Variants in OTOF observed in about 807,000 individuals in gnomAD.
The protein encoded by OTOF is fer-1-like family member 2.
Under a neutral mutation model 236.8 loss-of-function variants are expected in OTOF, and 218 were observed. The ratio of observed to expected loss-of-function variants is 0.92; its 90% CI spans 0.82 to 1.03. The LOEUF is 1.03. OTOF is among the 50% of genes least tolerant of loss of function. The pLI, the probability that OTOF is intolerant of heterozygous loss-of-function variation, is 0.00. For synonymous variants in OTOF, 1,041 were observed against 1,072.5 expected (o/e 0.97, Z 0.57); for missense variants, 2,590 against 2,694.4 (o/e 0.96, Z 0.86).
chr2:26,557,963 A>T (rs1667635913), intron 1 of OTOF, among the ~76,000 whole-genome samples: 1 of 151,918 alleles, frequency 6.6e-6, no homozygotes, highest in Admixed American at 6.6e-5. Flanking sequence ...GACCAGACAG[A>T]AGAGAGGCGA....
At chr2:26,501,865 A>C in intron 7 of OTOF, 57 bp from the exon 8 acceptor site, 1 of 1,269,600 alleles carries the variant, frequency 7.9e-7, no homozygotes, top group Non-Finnish European at 1.2e-6. Context: ...GTTGGGGAGG[A>C]GGACACTGGC....
intron 3 of OTOF, among the ~76,000 whole-genome samples, chr2:26,519,729 T>C (rs1412027707): frequency 2.0e-5 from 3 of 152,214 alleles, no homozygotes; most frequent in African/African-American, 7.2e-5. Context: ...AGCTACCTGC[T>C]TCCTGGGCAA....
intron 14 of OTOF, among the ~76,000 whole-genome samples, chr2:26,481,836 C>G (rs1054533138): frequency 6.6e-6 from 1 of 152,164 alleles, no homozygotes; most frequent in African/African-American, 2.4e-5. Context: ...ATACATGGAT[C>G]AGACAACATG....
chr2:26,472,317 T>C (rs2148039335), intron 30 of OTOF: 1 of 652,470 alleles, frequency 1.5e-6, no homozygotes, highest in Non-Finnish European at 2.8e-6. Flanking sequence ...CACATTTACA[T>C]ACCACACGCA....
chr2:26,494,656 T>TGGGGGG (rs143905954), intron 9 of OTOF, among the ~76,000 whole-genome samples: 24 of 118,422 alleles, frequency 2.0e-4, no homozygotes, highest in African/African-American at 4.0e-4. Context: ...GGGAGTGGGG[T>TGGGGGG]GGGGGGGGGT....
intron 6 of OTOF, among the ~76,000 whole-genome samples, chr2:26,502,956 T>C (rs56689393): frequency 0.054 from 8,281 of 152,316 alleles, 804 homozygotes; most frequent in East Asian, 0.51. Flanking sequence ...ATTCATCTAA[T>C]GAGATGCAGA....
At chr2:26,507,764 G>C (rs902804478) in intron 5 of OTOF, among the ~76,000 whole-genome samples, 4 of 152,218 alleles carry the variant, frequency 2.6e-5, no homozygotes, top group Admixed American at 6.5e-5. Context: ...TGAGGATTTA[G>C]AATCCGTTTG....
At chr2:26,479,208 G>A in intron 18 of OTOF, 56 bp downstream of exon 18, 7 of 1,600,256 alleles carry the variant, frequency 4.4e-6, no homozygotes, top group Non-Finnish European at 5.1e-6. Context: ...AAGGCCCTCT[G>A]ACAGCGCCGT....
At position 26,462,063 on chromosome 2, in the gene OTOF, T is replaced by TG; in HGVS notation, c.5291+19dup. On this transcript the variant is annotated intron_variant, in intron 42 of 46. Coordinates refer to ENST00000272371, the MANE Select transcript of OTOF (RefSeq NM_194248.3). This position sits in a 1 kb window ranked among gnomAD's most constrained non-coding sequence, Gnocchi z 4.7. ...GCCCCACCCAGCTCAGTCCCTCCCA[T>TG]GCAGGGACTGCTCACCCACCCCCTC... 1 of 773,034 alleles carries TG rather than the reference T, an allele frequency of 1.3e-6. No individual in the cohort carries two copies. Among genetic ancestry groups the TG allele is most frequent in the Non-Finnish European group, 2.2e-6 (1 of 457,348 alleles). 47.9% of individuals were successfully genotyped at this position (773,034 alleles called of 1,614,324 possible). A position where few individuals can be genotyped will look rare whatever the true frequency, so the allele number is the denominator to read the frequency against.
rs1665368821 is a variant in OTOF at position 26,477,486 on chromosome 2, T to A, written c.2336A>T (p.Asp779Val). ...GCGGGATGAGTGGCCCTGGTCCTTG[T>A]CAGCGAGGGAGAGGAAGCGGCTGGG... is the stretch of plus-strand genomic sequence containing the variant. The part of the protein sequence containing the change: ...CGCCRFLSLA[D>V]KDQGHSSRTR... Residue 779 changes from aspartate (D) to valine (V), a missense_variant, in exon 20 of 47, where the codon GAC (aspartate) becomes GTC (valine). Transcript: ENST00000272371. The surrounding 1 kb of genome is among the most constrained non-coding windows in gnomAD (Gnocchi z 4.7). 6.2e-7 allele frequency: 1 copy of A among 1,603,558 alleles called. No homozygotes were observed. The highest frequency in any genetic ancestry group is 2.2e-5 in the East Asian group (1 of 44,484).
chr2:26,460,260 G>T lies in OTOF; in HGVS notation c.5814-55C>A. ...GAGGGACAGGGAGGAGAAGGGATTG[G>T]GTGTGGCGAGGGGCCAAGACCAAGA... On this transcript the variant is annotated intron_variant, in intron 45 of 46. Transcript: ENST00000272371. The surrounding 1 kb of genome is among the most constrained non-coding windows in gnomAD (Gnocchi z 5.3). 1 of 1,423,660 alleles carries T rather than the reference G, an allele frequency of 7.0e-7. No individual in the cohort carries two copies. Among genetic ancestry groups the T allele is most frequent in the Non-Finnish European group, 9.7e-7 (1 of 1,028,058 alleles). 88.2% of individuals were successfully genotyped at this position (1,423,660 alleles called of 1,614,324 possible). A position where few individuals can be genotyped will look rare whatever the true frequency, so the allele number is the denominator to read the frequency against.
chr2:26,513,071 A>C (rs968129544), intron 5 of OTOF, among the ~76,000 whole-genome samples: 2 of 152,138 alleles, frequency 1.3e-5, no homozygotes, highest in Admixed American at 1.3e-4. Context: ...AGTGGCTCAG[A>C]GGGCATGCGG....
intron 18 of OTOF, among the ~76,000 whole-genome samples, chr2:26,478,495 T>C (rs758627982): frequency 1.3e-5 from 2 of 152,154 alleles, no homozygotes; most frequent in Admixed American, 6.5e-5. Flanking sequence ...GGCGGGATTA[T>C]CTGCTGGTCC....
At chr2:26,492,791 T>G (rs1180053918) in intron 9 of OTOF, among the ~76,000 whole-genome samples, 1 of 151,466 alleles carries the variant, frequency 6.6e-6, no homozygotes, top group Non-Finnish European at 1.5e-5. Flanking sequence ...GAAAGGGGAG[T>G]GCTGACCTCT....
rs746740181 is a variant in OTOF, at chr2:26,461,784, G to T, written c.5445C>A (p.Phe1815Leu). The T allele has an allele frequency of 6.2e-7, 1 of 1,614,064 alleles. No homozygotes were observed. The highest frequency in any genetic ancestry group is 1.1e-5 in the South Asian group (1 of 91,088). ...TCTTGTACTCGGTCTCGTCCCAGGA[G>T]AACATGGACTCCTTCTTGGAGATGA... Reference protein sequence around the residue: ...KIVISKKESMFSWDETEYKIP... With the variant: ...KIVISKKESMLSWDETEYKIP... The change falls in exon 43 of 47, where the codon TTC becomes TTA. Residue 1815 changes from phenylalanine to leucine, a missense_variant. Transcript: ENST00000272371. This position sits in a 1 kb window ranked among gnomAD's most constrained non-coding sequence, Gnocchi z 6.2.
At chr2:26,536,803 G>A (rs72856086) in intron 2 of OTOF, among the ~76,000 whole-genome samples, 3,408 of 152,288 alleles carry the variant, frequency 0.022, 141 homozygotes, top group African/African-American at 0.078. Flanking sequence ...GATGACTGCT[G>A]GCCCTCACTC....
intron 11 of OTOF, among the ~76,000 whole-genome samples, chr2:26,486,865 C>A (rs537082868): frequency 5.9e-5 from 9 of 152,282 alleles, no homozygotes; most frequent in African/African-American, 1.7e-4. Flanking sequence ...TATATGCTTA[C>A]CAGCCTGAAA....
chr2:26,519,919 C>T (rs538646911), intron 3 of OTOF, among the ~76,000 whole-genome samples: 5 of 152,328 alleles, frequency 3.3e-5, no homozygotes, highest in African/African-American at 9.6e-5. Flanking sequence ...TGCCTCTAAA[C>T]TGTGAACCTC....
At chr2:26,487,910 C>T (rs1449770405) in intron 11 of OTOF, among the ~76,000 whole-genome samples, 1 of 152,232 alleles carries the variant, frequency 6.6e-6, no homozygotes, top group Non-Finnish European at 1.5e-5. Context: ...GGGGTGGTGG[C>T]AAAGGCACTG....
Sources: allele counts gnomAD v4.1 joint callset (sites outside exome capture counted in the v4.1 genomes callset), GRCh38; gene constraint gnomAD v4.1.1; non-coding constraint Gnocchi (gnomAD v3.1); transcripts MANE v1.5; gene names NCBI Gene and HGNC (gene_info 2026-07-23, HGNC 2026-07-21).